AQP12B: variants seen among roughly 807,000 people sequenced by gnomAD.
AQP12B encodes the protein putative aquaporin-12B.
AQP12B carries 8 observed loss-of-function variants against 11.5 expected under a neutral mutation model. The ratio of observed to expected loss-of-function variants is 0.70; its 90% CI spans 0.41 to 1.26. The LOEUF (loss-of-function observed/expected upper bound fraction) is 1.26, where lower values mean the gene tolerates loss of function less well. Among genes scored for constraint, AQP12B ranks in the 50% most tolerant of loss-of-function variants. The pLI is 0.01. For synonymous variants in AQP12B, 123 were observed against 158.0 expected (o/e 0.78, Z 1.66); for missense variants, 247 against 322.0 (o/e 0.77, Z 1.78).
upstream of AQP12B, among the ~76,000 whole-genome samples, chr2:240,683,603 T>C (rs1575493287): frequency 6.6e-6 from 1 of 151,224 alleles, no homozygotes; most frequent in Non-Finnish European, 1.5e-5. Context: ...GCACCTCCAC[T>C]GTGTCCCCAC....
At position 240,682,792 on chromosome 2, in the gene AQP12B, T is replaced by C. The variant is rs4081908; in HGVS notation, c.46A>G (p.Thr16Ala). Residue 16 changes from threonine (T) to alanine (A), a missense_variant, in exon 1 of 3, where the codon ACC (threonine) becomes GCC (alanine). Physicochemically the swap from Thr to Ala is moderately conservative, Grantham distance 58. Transcript: ENST00000407834. ...GCCCGCCTGGCTGCCTCACAGAGGG[T>C]GAAGGTGGCAAAGAAGAAGGAGAGG... Reference protein sequence around the residue: ...VSLSFFFATFTLCEAARRASK... With the variant: ...VSLSFFFATFALCEAARRASK... 1,203,416 of 1,548,006 alleles carry C rather than the reference T, an allele frequency of 0.78. 480,107 individuals carry two copies. Among genetic ancestry groups the C allele is most frequent in the Middle Eastern group, 0.88 (5,065 of 5,770 alleles).
At chr2:240,679,526 CTG>C in intron 2 of AQP12B, 1 of 209,896 alleles carries the variant, frequency 4.8e-6, no homozygotes, top group Non-Finnish European at 8.3e-6. Flanking sequence ...CCCCCAGCTC[CTG>C]TCTTTCCCCC....
In AQP12B at chr2:240,682,716, G is replaced by C. The variant is rs959286311; in HGVS notation, c.122C>G (p.Ala41Gly). Residue 41 changes from alanine to glycine, a missense_variant, in exon 1 of 3, where the codon GCG (alanine) becomes GGG (glycine). By Grantham distance (60) the Ala-to-Gly change is moderately conservative. Coordinates refer to ENST00000407834, the MANE Select transcript of AQP12B (RefSeq NM_001102467.2). ...VGAYEVFARE[A>G]VGAVQLGACF... ...GGCCCCGAGCTGCACCGCGCCCACC[G>C]CCTCCCGGGCGAAGACTTCATAGGC... 6.2e-7 allele frequency: 1 copy of C among 1,613,436 alleles called. No individual in the cohort carries two copies. The highest frequency in any genetic ancestry group is 8.5e-7 in the Non-Finnish European group (1 of 1,179,768).
Position 240,682,784 on chromosome 2 carries a change from A to C in AQP12B, c.54T>G (p.Cys18Trp), listed in dbSNP as rs747337536. 1 of 1,609,076 alleles carries C rather than the reference A, an allele frequency of 6.2e-7. No homozygotes were observed. The highest frequency in any genetic ancestry group is 8.5e-7 in the Non-Finnish European group (1 of 1,177,984). ...CCTTGGAGGCCCGCCTGGCTGCCTC[A>C]CAGAGGGTGAAGGTGGCAAAGAAGA... ...LSFFFATFTL[C>W]EAARRASKAL... Residue 18 changes from cysteine to tryptophan, a missense_variant, in exon 1 of 3, where the codon TGT becomes TGG. Physicochemically the swap from Cys to Trp is radical, Grantham distance 215. This residue lies in a region of AQP12B where 206 missense variants were observed against 173.2 expected (regional missense o/e 1.19). Coordinates refer to ENST00000407834, the MANE Select transcript of AQP12B (RefSeq NM_001102467.2).
rs773188050 is a variant in AQP12B, at chr2:240,682,469, C to T, written c.369G>A (p.Gln123=). 1 of 1,610,882 alleles carries T rather than the reference C, an allele frequency of 6.2e-7. No individual in the cohort carries two copies. The highest frequency in any genetic ancestry group is 8.5e-7 in the Non-Finnish European group (1 of 1,179,460). ...AGAGGCGCGTCAGGGTGCAGGCGGC[C>T]TGCATGCCCAGCCCCTGTGCCGCCA... ...LKLAAQGLGM[Q]AACTLTRLCW... Residue 123 remains glutamine (Q), a synonymous_variant, in exon 1 of 3, where the codon CAG becomes CAA. Transcript: ENST00000407834.
upstream of AQP12B, chr2:240,682,928 C>T (rs1452098348): frequency 5.9e-6 from 9 of 1,530,608 alleles, 1 homozygote; most frequent in Middle Eastern, 4.4e-4. Flanking sequence ...AGGGCCCAGG[C>T]GTGTGGGAGA....
chr2:240,682,622 C>T lies in AQP12B; in HGVS notation c.216G>A (p.Leu72=). The T allele has an allele frequency of 6.2e-7, 1 of 1,613,456 alleles. No individual in the cohort carries two copies. Among genetic ancestry groups the T allele is most frequent in the Non-Finnish European group, 8.5e-7 (1 of 1,179,862 alleles). Residue 72 remains leucine (L), a synonymous_variant, in exon 1 of 3, where the codon CTG becomes CTA. Transcript: ENST00000407834. ...GGAAGAGCAGGAAGAGCAGGGTGAG[C>T]AGCAGGTCAGGCCCAAAGTCCCCAG... is the stretch of plus-strand genomic sequence containing the variant. ...PWAGDFGPDL[L]LTLLFLLFLA...
At chr2:240,683,063 T>G (rs2043966600), upstream of AQP12B, among the ~76,000 whole-genome samples, 1 of 151,304 alleles carries the variant, frequency 6.6e-6, no homozygotes, top group Non-Finnish European at 1.5e-5. Flanking sequence ...CATCCCGTCA[T>G]GTGACACACC....
chr2:240,683,577 T>TC (rs1462025990), upstream of AQP12B, among the ~76,000 whole-genome samples: 1 of 151,694 alleles, frequency 6.6e-6, no homozygotes, highest in Non-Finnish European at 1.5e-5. Flanking sequence ...GAAGGTCCTC[T>TC]CATTCTTGGC....
rs772755374 is a variant in AQP12B at position 240,682,779 on chromosome 2, G to T, written c.59C>A (p.Ala20Glu). 2.3e-5 allele frequency: 37 copies of T among 1,609,750 alleles called. No individual in the cohort carries two copies. The African/African-American group carries it at 4.6e-4, about 20-fold the overall frequency. ...FFFATFTLCE[A>E]ARRASKALLP... is the part of the protein sequence containing the mutation. The stretch of plus-strand genomic sequence containing the variant: ...CAGGGCCTTGGAGGCCCGCCTGGCT[G>T]CCTCACAGAGGGTGAAGGTGGCAAA... Residue 20 changes from alanine (A) to glutamate (E), a missense_variant, in exon 1 of 3, where the codon GCA becomes GAA. By Grantham distance (107) the Ala-to-Glu change is moderately radical. This residue lies in a region of AQP12B where 206 missense variants were observed against 173.2 expected (regional missense o/e 1.19). Coordinates refer to ENST00000407834, the MANE Select transcript of AQP12B (RefSeq NM_001102467.2).
At chr2:240,683,526 T>C (rs188850521), upstream of AQP12B, among the ~76,000 whole-genome samples, 5 of 152,058 alleles carry the variant, frequency 3.3e-5, no homozygotes, top group African/African-American at 1.2e-4. Context: ...TGTCCCCAGC[T>C]AGGCCAGGCC....
chr2:240,682,597 G>C lies in AQP12B; in HGVS notation c.241C>G (p.Leu81Val). The C allele has an allele frequency of 6.2e-7, 1 of 1,612,192 alleles. No individual in the cohort carries two copies. Among genetic ancestry groups the C allele is most frequent in the Non-Finnish European group, 8.5e-7 (1 of 1,179,722 alleles). The change falls in exon 1 of 3, where the codon CTG becomes GTG. Residue 81 changes from leucine to valine, a missense_variant. Transcript: ENST00000407834. ...CCGTCCAAGGTGACCCCGTGCGCCA[G>C]GAAGAGCAGGAAGAGCAGGGTGAGC... ...LLLTLLFLLF[L>V]AHGVTLDGAS...
At position 240,682,741 on chromosome 2, in the gene AQP12B, C is replaced by A. The variant is rs773771969; in HGVS notation, c.97G>T (p.Ala33Ser). The A allele has an allele frequency of 6.2e-7, 1 of 1,613,254 alleles. No homozygotes were observed. The highest frequency in any genetic ancestry group is 8.5e-7 in the Non-Finnish European group (1 of 1,179,708). ...RASKALLPVG[A>S]YEVFAREAVG... ...GCCTCCCGGGCGAAGACTTCATAGG[C>A]GCCCACTGGGAGCAGGGCCTTGGAG... The change falls in exon 1 of 3, where the codon GCC becomes TCC. Residue 33 changes from alanine to serine, a missense_variant. Ala to Ser is a moderately conservative substitution (Grantham distance 99, BLOSUM62 1). Around this residue, in one of 4 missense-constraint regions of AQP12B, gnomAD observed 206 missense variants for 173.2 expected, o/e 1.19. Transcript: ENST00000407834.
In AQP12B at chr2:240,682,654, G is replaced by A; in HGVS notation, c.184C>T (p.Pro62Ser). ...TCAGGCCCAAAGTCCCCAGCCCAGG[G>A]CCCGAGCTCGACCAGCGTCCTCATC... The part of the protein sequence containing the change: ...LEMRTLVELG[P>S]WAGDFGPDLL... Residue 62 changes from proline to serine, a missense_variant, in exon 1 of 3, where the codon CCC becomes TCC. Physicochemically the swap from Pro to Ser is moderately conservative, Grantham distance 74 (BLOSUM62 -1). Transcript: ENST00000407834. 1.2e-6 allele frequency: 2 copies of A among 1,613,476 alleles called. No homozygotes were observed. Among genetic ancestry groups the A allele is most frequent in the African/African-American group, 1.3e-5 (1 of 75,016 alleles).
upstream of AQP12B, among the ~76,000 whole-genome samples, chr2:240,683,184 C>G (rs548876437): frequency 1.3e-5 from 2 of 150,392 alleles, no homozygotes; most frequent in Admixed American, 6.6e-5. Flanking sequence ...GTACCGGACC[C>G]CAATACCTGC....
upstream of AQP12B, among the ~76,000 whole-genome samples, chr2:240,683,271 C>A (rs1432853340): frequency 6.7e-6 from 1 of 149,488 alleles, no homozygotes; most frequent in African/African-American, 2.5e-5. Flanking sequence ...GAACAAGGGC[C>A]CCCATTTCCG....
In AQP12B at chr2:240,682,671, G is replaced by T. The variant is rs756207344; in HGVS notation, c.167C>A (p.Thr56Lys). The T allele has an allele frequency of 1.2e-6, 2 of 1,613,472 alleles. No homozygotes were observed. Among genetic ancestry groups the T allele is most frequent in the South Asian group, 2.2e-5 (2 of 91,010 alleles). ...AGCCCAGGGCCCGAGCTCGACCAGCGTCCTCATCTCCAGGAAGCAGGCCCC... is the reference window on the plus strand; with the variant it reads ...AGCCCAGGGCCCGAGCTCGACCAGCTTCCTCATCTCCAGGAAGCAGGCCCC... ...QLGACFLEMR[T>K]LVELGPWAGD... Residue 56 changes from threonine to lysine, a missense_variant, in exon 1 of 3, where the codon ACG (threonine) becomes AAG (lysine). This residue lies in a region of AQP12B where 206 missense variants were observed against 173.2 expected (regional missense o/e 1.19). Transcript: ENST00000407834.
chr2:240,682,514 C>A lies in AQP12B; in HGVS notation c.324G>T (p.Leu108=). 1 of 1,612,656 alleles carries A rather than the reference C, an allele frequency of 6.2e-7. No homozygotes were observed. Among genetic ancestry groups the A allele is most frequent in the South Asian group, 1.1e-5 (1 of 91,048 alleles). ...LQEFLMAEES[L]PGTLLKLAAQ... ...CCGCCAGCTTCAGCAGCGTGCCAGG[C>A]AGAGACTCCTCGGCCATGAGGAACT... is the stretch of plus-strand genomic sequence containing the variant. Residue 108 remains leucine, a synonymous_variant, in exon 1 of 3, where the codon CTG becomes CTT. Coordinates refer to ENST00000407834, the MANE Select transcript of AQP12B (RefSeq NM_001102467.2).
At position 240,682,697 on chromosome 2, in the gene AQP12B, G is replaced by C; in HGVS notation, c.141C>G (p.Leu47=). The C allele has an allele frequency of 6.2e-7, 1 of 1,613,496 alleles. No homozygotes were observed. Among genetic ancestry groups the C allele is most frequent in the Non-Finnish European group, 8.5e-7 (1 of 1,179,802 alleles). ...FAREAVGAVQ[L]GACFLEMRTL... is the part of the protein sequence containing the mutation. Reference sequence around the variant, plus strand: ...TCCTCATCTCCAGGAAGCAGGCCCCGAGCTGCACCGCGCCCACCGCCTCCC... The same window carrying C: ...TCCTCATCTCCAGGAAGCAGGCCCCCAGCTGCACCGCGCCCACCGCCTCCC... Residue 47 remains leucine (L), a synonymous_variant, in exon 1 of 3, where the codon CTC becomes CTG. Coordinates refer to ENST00000407834, the MANE Select transcript of AQP12B (RefSeq NM_001102467.2).
Sources: gnomAD v4.1 joint callset for allele counts (sites outside exome capture counted in the v4.1 genomes callset) on GRCh38, gnomAD v4.1.1 for gene constraint, gnomAD v4.1.1 regional missense constraint, MANE v1.5 for transcripts, NCBI Gene and HGNC (gene_info 2026-07-23, HGNC 2026-07-21) for gene names.